Variants in PALS2 observed in about 807,000 individuals in gnomAD.
PALS2 encodes protein associated with LIN7 2, MAGUK p55 family member.
In PALS2, 27 loss-of-function variants were observed where a neutral mutation model predicts 61.6. The observed-to-expected ratio is 0.44, with a 90% CI of 0.32 to 0.60. The LOEUF is 0.60. Ranked by LOEUF, PALS2 falls within the 20% of genes least tolerant of loss-of-function variation. The pLI, the probability that PALS2 is intolerant of heterozygous loss-of-function variation, is 0.05. For missense variants in PALS2, 554 were observed against 639.4 expected, an observed-to-expected ratio of 0.87 and a Z score of 1.44; for synonymous variants, 236 against 218.6, an observed-to-expected ratio of 1.08 and a Z score of -0.70.
rs1208638850 is a variant in PALS2, at chr7:24,690,025, A to T, written c.*2411A>T. On this transcript the variant is annotated 3_prime_UTR_variant, in exon 12 of 12. Transcript: ENST00000222644. ...TGTGATATAAAATGTATTACTTAGA[A>T]AATATACTTAAAGGAATTATTTCTA... is the stretch of plus-strand genomic sequence containing the variant. 6.6e-6 allele frequency: 1 copy of T among 152,226 alleles called. No individual in the cohort carries two copies. Among genetic ancestry groups the T allele is most frequent in the Non-Finnish European group, 1.5e-5 (1 of 68,038 alleles). The allele number at this position is 152,226 out of a possible 1,614,324, so 9.4% of individuals were successfully genotyped here.
Position 24,687,606 on chromosome 7 carries a change from G to T in PALS2, c.1615G>T (p.Val539Phe). Residue 539 changes from valine to phenylalanine, a missense_variant, in exon 12 of 12, where the codon GTT becomes TTT. Physicochemically the swap from Val to Phe is conservative, Grantham distance 50. Transcript: ENST00000222644. This position sits in a 1 kb window ranked among gnomAD's most constrained non-coding sequence, Gnocchi z 4.5. ...MEPQWVPISW[V>F]Y ...ACCACAGTGGGTCCCAATCAGCTGGGTTTACTGATGATTCAGTAAGGTTAA... is the reference window on the plus strand; with the variant it reads ...ACCACAGTGGGTCCCAATCAGCTGGTTTTACTGATGATTCAGTAAGGTTAA... 6.2e-7 allele frequency: 1 copy of T among 1,600,730 alleles called. No individual in the cohort carries two copies. The highest frequency in any genetic ancestry group is 1.1e-5 in the South Asian group (1 of 87,608).
intron 1 of PALS2, among the ~76,000 whole-genome samples, chr7:24,619,317 A>T (rs116962501): frequency 0.041 from 6,277 of 152,180 alleles, 161 homozygotes; most frequent in Non-Finnish European, 0.058. Context: ...TGGTTAGTCT[A>T]ATGCATGCTG....
intron 11 of PALS2, among the ~76,000 whole-genome samples, chr7:24,681,970 T>G (rs948300779): frequency 3.3e-5 from 5 of 152,204 alleles, no homozygotes; most frequent in African/African-American, 1.2e-4. Context: ...AGTTCTGGAT[T>G]GGTTTTGATT....
At chr7:24,642,436 CG>C (rs1405556514) in intron 3 of PALS2, among the ~76,000 whole-genome samples, 2 of 151,940 alleles carry the variant, frequency 1.3e-5, no homozygotes, top group Admixed American at 1.3e-4. Context: ...TTCTTGTAAA[CG>C]TATAATAATT....
intron 1 of PALS2, among the ~76,000 whole-genome samples, chr7:24,610,413 G>A (rs74913784): frequency 0.063 from 9,596 of 152,118 alleles, 349 homozygotes; most frequent in African/African-American, 0.093. Flanking sequence ...GGGAACAGAT[G>A]GTTTGTCCAT....
intron 11 of PALS2, among the ~76,000 whole-genome samples, chr7:24,686,437 C>T (rs187874029): frequency 8.7e-4 from 133 of 152,266 alleles, no homozygotes; most frequent in Non-Finnish European, 1.5e-3. Context: ...CTTGAACGTG[C>T]CAGGGTCGTT....
intron 2 of PALS2, 129 bp downstream of exon 2, chr7:24,623,913 G>A (rs565944986): frequency 1.8e-5 from 17 of 949,776 alleles, no homozygotes; most frequent in Middle Eastern, 2.5e-4. Flanking sequence ...AAAACATTCA[G>A]CACATAATGA....
chr7:24,669,753 C>A (rs542067649), intron 9 of PALS2, among the ~76,000 whole-genome samples: 4 of 152,160 alleles, frequency 2.6e-5, no homozygotes, highest in Admixed American at 6.6e-5. Flanking sequence ...TCATTGCCCC[C>A]CTGTGCTACT....
Position 24,579,282 on chromosome 7 carries a change from TTAG to T in PALS2, c.-3+5691_-3+5693del, listed in dbSNP as rs1252219855. On this transcript the variant is annotated intron_variant, in intron 1 of 11. Transcript: ENST00000222644. ...TTTGATAATACTTTTGAAGAGGCTA[TTAG>T]TTAACAGGGGCTTTCACATTGTTGG... Among the ~76,000 whole-genome samples, 21 of 152,346 alleles carry T rather than the reference TTAG, an allele frequency of 1.4e-4. 1 individual carries two copies. The South Asian group carries it at 4.3e-3, about 32-fold the overall frequency.
rs1583945397 is a variant in PALS2 at position 24,649,713 on chromosome 7, A to C, written c.372A>C (p.Pro124=). Residue 124 remains proline, a synonymous_variant, in exon 4 of 12, where the codon CCA becomes CCC. Transcript: ENST00000222644. ...CTTCTATCAATAATCAGTTATTACC[A>C]GTAGATGCCATTCGTATTCTTGGTA... ...NNSSINNQLL[P]VDAIRILGIH... 1 of 1,611,150 alleles carries C rather than the reference A, an allele frequency of 6.2e-7. No individual in the cohort carries two copies. Among genetic ancestry groups the C allele is most frequent in the East Asian group, 2.2e-5 (1 of 44,608 alleles).
intron 11 of PALS2, among the ~76,000 whole-genome samples, chr7:24,685,176 C>T (rs2128036730): frequency 6.6e-6 from 1 of 152,114 alleles, no homozygotes; most frequent in Non-Finnish European, 1.5e-5. Context: ...TGTACACCTC[C>T]CACTTATAAC....
intron 3 of PALS2, among the ~76,000 whole-genome samples, chr7:24,644,008 A>C (rs867208008): frequency 1.3e-5 from 2 of 152,002 alleles, no homozygotes; most frequent in African/African-American, 2.4e-5. Flanking sequence ...TTATCTTAAC[A>C]TTATACAAAT....
intron 3 of PALS2, among the ~76,000 whole-genome samples, chr7:24,647,110 T>C (rs1785874396): frequency 6.6e-6 from 1 of 151,274 alleles, no homozygotes; most frequent in Admixed American, 6.6e-5. Context: ...TGGATTCTGA[T>C]TTTTTGTTGT....
At chr7:24,650,886 A>G (rs1051266951) in intron 5 of PALS2, among the ~76,000 whole-genome samples, 174 bp downstream of exon 5, 10 of 152,170 alleles carry the variant, frequency 6.6e-5, no homozygotes, top group Admixed American at 3.9e-4. Flanking sequence ...AAACAATGCT[A>G]TTTTACTATT....
intron 11 of PALS2, among the ~76,000 whole-genome samples, chr7:24,684,905 C>T (rs913403949): frequency 6.6e-6 from 1 of 151,754 alleles, no homozygotes; most frequent in Non-Finnish European, 1.5e-5. Flanking sequence ...TTTTAAGTTC[C>T]AGGCTTTTAT....
intron 11 of PALS2, among the ~76,000 whole-genome samples, chr7:24,685,153 C>T (rs1788130176): frequency 6.6e-6 from 1 of 151,958 alleles, no homozygotes; most frequent in African/African-American, 2.4e-5. Context: ...TTAATCCCAC[C>T]ATGTGTTCTT....
At chr7:24,681,395 T>C (rs1470473247) in intron 11 of PALS2, among the ~76,000 whole-genome samples, 1 of 152,194 alleles carries the variant, frequency 6.6e-6, no homozygotes, top group Non-Finnish European at 1.5e-5. Flanking sequence ...TGATATCATG[T>C]CATCTGTAAA....
At chr7:24,639,419 C>T (rs1326469930) in intron 2 of PALS2, among the ~76,000 whole-genome samples, 4 of 151,906 alleles carry the variant, frequency 2.6e-5, no homozygotes, top group South Asian at 2.1e-4. Context: ...CACACACACA[C>T]ACACACACAC....
intron 3 of PALS2, among the ~76,000 whole-genome samples, chr7:24,645,263 ATCT>A (rs1234952827): frequency 6.6e-6 from 1 of 151,680 alleles, no homozygotes; most frequent in Non-Finnish European, 1.5e-5. Context: ...TTACATTTAA[ATCT>A]TTAATCCATC....
Sources: allele counts gnomAD v4.1 joint callset (sites outside exome capture counted in the v4.1 genomes callset), GRCh38; gene constraint gnomAD v4.1.1; non-coding constraint Gnocchi (gnomAD v3.1); transcripts MANE v1.5; gene names NCBI Gene and HGNC (gene_info 2026-07-23, HGNC 2026-07-21).